The following TENM1 variants were observed in gnomAD, a reference collection of about 807,000 sequenced individuals.
TENM1 encodes the protein teneurin-1.
In TENM1, 35 loss-of-function variants were observed where a neutral mutation model predicts 174.8. The ratio of observed to expected loss-of-function variants is 0.20; its 90% CI spans 0.15 to 0.27. TENM1 has a LOEUF of 0.27. TENM1 is among the 10% of genes least tolerant of loss of function. The probability of loss-of-function intolerance (pLI) is 1.00; values close to 1 mark genes in which losing one functional copy is unlikely to be tolerated. For synonymous variants in TENM1, 781 were observed against 798.7 expected (o/e 0.98, Z 0.37); for missense variants, 1,633 against 2,130.1 (o/e 0.77, Z 4.59).
the TENM1 span, among the ~76,000 whole-genome samples, chrX:125,148,134 C>T: frequency 1.8e-3 from 202 of 111,182 alleles, 1 homozygote; most frequent in African/African-American, 6.1e-3. Context: ...CCCGTAATGC[C>T]TCATCTGAAA....
intron 3 of TENM1, among the ~76,000 whole-genome samples, chrX:124,854,744 A>C (rs1315643908): frequency 8.9e-6 from 1 of 111,766 alleles, no homozygotes; most frequent in Non-Finnish European, 1.9e-5. Flanking sequence ...CATAACTTCA[A>C]GTAAACACAA....
At chrX:124,964,723 C>T (rs1024170381), upstream of TENM1, among the ~76,000 whole-genome samples, 1 of 111,865 alleles carries the variant, frequency 8.9e-6, no homozygotes, top group East Asian at 2.8e-4. Context: ...TAAAAATGTT[C>T]TTATTTTCAT....
At position 124,613,953 on chromosome X, in the gene TENM1, C is replaced by T. The variant is rs138986741; in HGVS notation, c.2077+27838G>A. ...CGTGGGAAGCTGGGTGCCTAGAATG[C>T]CCTGTCTACATGGCCCTAAGCCTAC... On this transcript the variant is annotated intron_variant, in intron 11 of 31. Transcript: ENST00000422452. Among the ~76,000 whole-genome samples the T allele has an allele frequency of 1.3e-3, 145 of 111,771 alleles. 1 individual carries two copies. The highest frequency in any genetic ancestry group is 4.6e-3 in the African/African-American group (141 of 30,802).
At chrX:125,097,331 A>G in the TENM1 span, among the ~76,000 whole-genome samples, 4 of 111,870 alleles carry the variant, frequency 3.6e-5, no homozygotes, top group African/African-American at 1.3e-4. Flanking sequence ...AATCAGCAAG[A>G]TACACTTTGA....
intron 3 of TENM1, among the ~76,000 whole-genome samples, chrX:124,748,555 A>G (rs977911219): frequency 2.7e-5 from 3 of 111,419 alleles, no homozygotes; most frequent in Non-Finnish European, 5.7e-5. Flanking sequence ...TATATTTAGT[A>G]GTAGAAGACA....
At chrX:124,722,693 A>T (rs1444744379) in intron 4 of TENM1, among the ~76,000 whole-genome samples, 1 of 108,900 alleles carries the variant, frequency 9.2e-6, no homozygotes, top group Non-Finnish European at 1.9e-5. Flanking sequence ...ACAAAAAATT[A>T]GCCAGGTGTG....
At chrX:124,638,742 T>C (rs773649957) in intron 11 of TENM1, among the ~76,000 whole-genome samples, 1 of 111,603 alleles carries the variant, frequency 9.0e-6, no homozygotes, top group African/African-American at 3.3e-5. Context: ...GCAAGCGGGA[T>C]CTTCTGCAGA....
chrX:124,640,052 T>C (rs1207914656), intron 11 of TENM1, among the ~76,000 whole-genome samples: 6 of 110,542 alleles, frequency 5.4e-5, no homozygotes, highest in Admixed American at 9.6e-5. Flanking sequence ...AGCAGGCACA[T>C]GTATATTTGT....
chrX:125,024,385 C>G, the TENM1 span, among the ~76,000 whole-genome samples: 1 of 105,584 alleles, frequency 9.5e-6, no homozygotes, highest in African/African-American at 3.5e-5. Context: ...CACACACACA[C>G]CACACACACA....
intron 1 of TENM1, among the ~76,000 whole-genome samples, chrX:124,924,558 G>A (rs1344309144): frequency 9.0e-6 from 1 of 111,145 alleles, no homozygotes; most frequent in Non-Finnish European, 1.9e-5. Flanking sequence ...TCCTATTTCC[G>A]TCCTTAAGAG....
chrX:125,082,487 T>A, the TENM1 span, among the ~76,000 whole-genome samples: 9 of 111,105 alleles, frequency 8.1e-5, no homozygotes, highest in Non-Finnish European at 1.9e-5. Context: ...AGTCCAACCA[T>A]ACTGGCTGGC....
chrX:125,147,593 T>C, the TENM1 span, among the ~76,000 whole-genome samples: 1 of 111,153 alleles, frequency 9.0e-6, no homozygotes, highest in African/African-American at 3.3e-5. Flanking sequence ...TCCAACCACA[T>C]CCCTTGTCTC....
At chrX:124,503,748 T>G (rs768727772) in intron 18 of TENM1, 45 bp from the exon 22 acceptor site, 40 of 1,090,269 alleles carry the variant, frequency 3.7e-5, no homozygotes, top group Non-Finnish European at 3.5e-5. Context: ...TGTAAAATAT[T>G]TGCTTCATGT....
chrX:124,995,354 T>C, the TENM1 span, among the ~76,000 whole-genome samples: 24 of 111,473 alleles, frequency 2.2e-4, no homozygotes, highest in South Asian at 9.0e-3. Flanking sequence ...GTCTATTGTA[T>C]TCTACTGCCT....
chrX:124,837,343 C>T (rs1464225727), intron 3 of TENM1, among the ~76,000 whole-genome samples: 1 of 112,200 alleles, frequency 8.9e-6, no homozygotes, highest in African/African-American at 3.2e-5. Flanking sequence ...CCCGACTCGG[C>T]CTCCCAAAGT....
At chrX:125,196,794 A>G in the TENM1 span, among the ~76,000 whole-genome samples, 1 of 111,893 alleles carries the variant, frequency 8.9e-6, no homozygotes, top group African/African-American at 3.2e-5. Flanking sequence ...CATTATCAAT[A>G]ACTTTCCTGA....
rs35094942 is a variant in TENM1, at chrX:124,411,337, ATG to A, written c.4983-4850_4983-4849del. 7.9e-3 allele frequency among the ~76,000 whole-genome samples: 849 copies of A among 108,016 alleles called. 1 individual carries two copies. The highest frequency in any genetic ancestry group is 0.013 in the Non-Finnish European group (657 of 51,854). The allele number at this position is 108,016 out of a possible 115,157, so 93.8% of individuals were successfully genotyped here. ...TATATGTGTGTGTTTGTGTGTGTGT[ATG>A]TGTGTGTGTGTGTGTGCACGCACGT... On this transcript the variant is annotated intron_variant, in intron 25 of 31. Coordinates refer to ENST00000422452, the Ensembl canonical transcript of TENM1.
chrX:124,646,709 C>G, exon 9 of TENM1: 1 of 1,180,398 alleles, frequency 8.5e-7, no homozygotes, highest in Non-Finnish European at 1.2e-6. Context: ...GCAACATTAC[C>G]TCTAGCACAG....
chrX:124,793,657 T>G (rs139378636), intron 3 of TENM1, among the ~76,000 whole-genome samples: 2,703 of 111,557 alleles, frequency 0.024, 81 homozygotes, highest in African/African-American at 0.083. Context: ...CTCTGTGTCT[T>G]CTTCTTCATC....
Sources: allele counts gnomAD v4.1 joint callset (sites outside exome capture counted in the v4.1 genomes callset), GRCh38; gene constraint gnomAD v4.1.1; transcripts MANE v1.5; gene names NCBI Gene and HGNC (gene_info 2026-07-23, HGNC 2026-07-21).